Variants in DHX33 observed in about 807,000 individuals in gnomAD.
DHX33 encodes the protein ATP-dependent RNA helicase DHX33.
A neutral mutation model predicts 72.5 loss-of-function variants in DHX33; 42 were observed. That is an observed-to-expected ratio of 0.58 (90% CI 0.45 to 0.75). DHX33 has a LOEUF of 0.75. DHX33 is among the 30% of genes least tolerant of loss of function. The pLI is 0.00. For synonymous variants in DHX33, 358 were observed against 366.1 expected (o/e 0.98, Z 0.25); for missense variants, 842 against 917.5 (o/e 0.92, Z 1.06).
At chr17:5,468,538 T>C in intron 1 of DHX33, 33 bp downstream of exon 1, 1 of 1,595,428 alleles carries the variant, frequency 6.3e-7, no homozygotes, top group Non-Finnish European at 8.5e-7. Context: ...ACGGACGAAG[T>C]GCAAGGAAGA....
At position 5,442,590 on chromosome 17, in the gene DHX33, G is replaced by A. The variant is rs1247465703; in HGVS notation, c.*1615C>T. ...TGGAAATAAAGACTGAGCCGGACTT[G>A]ACATACACAACTCCGGACAGATGGG... On this transcript the variant is annotated 3_prime_UTR_variant, in exon 12 of 12. Transcript: ENST00000225296. The A allele has an allele frequency of 1.3e-5, 2 of 152,268 alleles. No homozygotes were observed. Among genetic ancestry groups the A allele is most frequent in the Admixed American group, 6.5e-5 (1 of 15,286 alleles). The allele number at this position is 152,268 out of a possible 1,614,324, so 9.4% of individuals were successfully genotyped here. A position where few individuals can be genotyped will look rare whatever the true frequency, so the allele number is the denominator to read the frequency against.
chr17:5,444,622 T>A lies in DHX33; in HGVS notation c.1816-109A>T. 8.7e-7 allele frequency: 1 copy of A among 1,144,472 alleles called. No individual in the cohort carries two copies. The allele number at this position is 1,144,472 out of a possible 1,614,324, so 70.9% of individuals were successfully genotyped here. On this transcript the variant is annotated intron_variant, in intron 11 of 11. Coordinates refer to ENST00000225296, the MANE Select transcript of DHX33 (RefSeq NM_020162.4). This position sits in a 1 kb window ranked among gnomAD's most constrained non-coding sequence, Gnocchi z 4.9. ...CCCACTGGGGCAAAAGCAGCCCACATTGTGAGCCTAACGATGTGGATTCTG... is the reference window on the plus strand; with the variant it reads ...CCCACTGGGGCAAAAGCAGCCCACAATGTGAGCCTAACGATGTGGATTCTG...
chr17:5,455,015 G>T, intron 6 of DHX33, 145 bp downstream of exon 6: 2 of 699,728 alleles, frequency 2.9e-6, no homozygotes, highest in Non-Finnish European at 5.0e-6. Context: ...CGCGGACCTG[G>T]AGTGTAGGTG....
At position 5,468,797 on chromosome 17, in the gene DHX33, GCTCGGAGGTCCAGAGC is replaced by G; in HGVS notation, c.47_62del (p.Gly16AlafsTer13). ...TCCCGGGAGGGAAGGACCCAGCGCGGCTCGGAGGTCCAGAGCCTGGCCGGAATCTCTTGGCCGGCGG... is the reference window on the plus strand; with the variant it reads ...TCCCGGGAGGGAAGGACCCAGCGCGGCTGGCCGGAATCTCTTGGCCGGCGG... On this transcript the variant is annotated frameshift_variant, in exon 1 of 12. Coordinates refer to ENST00000225296, the MANE Select transcript of DHX33 (RefSeq NM_020162.4). LOFTEE classifies it high-confidence loss of function. 3 of 1,599,672 alleles carry G rather than the reference GCTCGGAGGTCCAGAGC, an allele frequency of 1.9e-6. No individual in the cohort carries two copies. Among genetic ancestry groups the G allele is most frequent in the African/African-American group, 2.7e-5 (2 of 74,740 alleles).
intron 10 of DHX33, among the ~76,000 whole-genome samples, chr17:5,449,424 AAG>A (rs1916793622): frequency 6.6e-6 from 1 of 152,158 alleles, no homozygotes; most frequent in African/African-American, 2.4e-5. Context: ...CAATTTATGT[AAG>A]ACTTCTTTCT....
chr17:5,468,371 C>T (rs2151694564), intron 1 of DHX33, among the ~76,000 whole-genome samples, 200 bp downstream of exon 1: 1 of 152,350 alleles, frequency 6.6e-6, no homozygotes, highest in East Asian at 1.9e-4. Context: ...ACACGTTGGT[C>T]ACTCTCACCG....
Position 5,453,680 on chromosome 17 carries a change from A to T in DHX33, c.1308-12T>A. 1 of 1,614,126 alleles carries T rather than the reference A, an allele frequency of 6.2e-7. No homozygotes were observed. Among genetic ancestry groups the T allele is most frequent in the South Asian group, 1.1e-5 (1 of 91,082 alleles). On this transcript the variant is annotated splice_polypyrimidine_tract_variant and intron_variant, in intron 7 of 11. Transcript: ENST00000225296. ...TGGCCAGGTTACACCTGTGAAGAGC[A>T]TGAGACCAGGGTCATGACCTGATCC...
rs1916482096 is a variant in DHX33, at chr17:5,442,729, T to G, written c.*1476A>C. ...CTGGTTATAACTATGATTCATTCAT[T>G]AAGAAATGACAAAACACCCCACAGA... On this transcript the variant is annotated 3_prime_UTR_variant, in exon 12 of 12. Coordinates refer to ENST00000225296, the MANE Select transcript of DHX33 (RefSeq NM_020162.4). 6.6e-6 allele frequency: 1 copy of G among 152,172 alleles called. No homozygotes were observed. Among genetic ancestry groups the G allele is most frequent in the African/African-American group, 2.4e-5 (1 of 41,436 alleles). The allele number at this position is 152,172 out of a possible 1,614,324, so 9.4% of individuals were successfully genotyped here.
rs1916653604 is a variant in DHX33, at chr17:5,446,225, T to G, written c.1816-1712A>C. ...CTTGGCCTCAAGCAATCCACCTGCT[T>G]GGGCCTCCCAAAGTGCTGGGACTAG... On this transcript the variant is annotated intron_variant, in intron 11 of 11. Transcript: ENST00000225296. Among the ~76,000 whole-genome samples, 5 of 152,308 alleles carry G rather than the reference T, an allele frequency of 3.3e-5. No individual in the cohort carries two copies. The South Asian group carries it at 1.0e-3, about 32-fold the overall frequency.
chr17:5,464,001 T>C (rs1904759774), intron 1 of DHX33, among the ~76,000 whole-genome samples: 1 of 151,794 alleles, frequency 6.6e-6, no homozygotes, highest in African/African-American at 2.4e-5. Flanking sequence ...TGGGAGATAG[T>C]GTGAGACACT....
chr17:5,443,849 A>G lies in DHX33; in HGVS notation c.*356T>C, dbSNP rs1916527823. The G allele has an allele frequency of 4.6e-6, 1 of 218,858 alleles. No individual in the cohort carries two copies. The highest frequency in any genetic ancestry group is 2.3e-5 in the African/African-American group (1 of 43,402). 13.6% of individuals were successfully genotyped at this position (218,858 alleles called of 1,614,324 possible). A position where few individuals can be genotyped will look rare whatever the true frequency, so the allele number is the denominator to read the frequency against. On this transcript the variant is annotated 3_prime_UTR_variant, in exon 12 of 12. Transcript: ENST00000225296. The stretch of plus-strand genomic sequence containing the variant: ...CGTGTGTCGTGCGTGCTCCAGGCAT[A>G]GTTCTGGGTACTTTCCATTCCTTTT...
In DHX33 at chr17:5,453,317, A is replaced by C. The variant is rs77290337; in HGVS notation, c.1396+263T>G. 4.6e-3 allele frequency among the ~76,000 whole-genome samples: 698 copies of C among 152,242 alleles called. 6 individuals carry two copies. Among genetic ancestry groups the C allele is most frequent in the African/African-American group, 0.016 (645 of 41,546 alleles). On this transcript the variant is annotated intron_variant, in intron 8 of 11. Coordinates refer to ENST00000225296, the MANE Select transcript of DHX33 (RefSeq NM_020162.4). The stretch of plus-strand genomic sequence containing the variant: ...GGCGGGGGGATCGCTGGAGCCCAGG[A>C]GTTGGAGGCTGTGATGGAGCCTGTG...
intron 5 of DHX33, among the ~76,000 whole-genome samples, chr17:5,455,587 C>T (rs1457528436): frequency 1.3e-5 from 2 of 152,194 alleles, no homozygotes; most frequent in Admixed American, 1.3e-4. Context: ...TGTTACTTCC[C>T]TTCTTGGGGC....
chr17:5,464,473 A>G (rs1006346894), intron 1 of DHX33, among the ~76,000 whole-genome samples: 2 of 152,234 alleles, frequency 1.3e-5, no homozygotes, highest in Admixed American at 6.5e-5. Context: ...TGGTGAAATT[A>G]GCTGGTTAAT....
At chr17:5,456,895 C>A (rs1206582225) in intron 4 of DHX33, among the ~76,000 whole-genome samples, 3 of 152,154 alleles carry the variant, frequency 2.0e-5, no homozygotes, top group African/African-American at 7.2e-5. Context: ...TTCACACGCC[C>A]CAAAACACAC....
At chr17:5,452,031 A>G (rs1421983901) in intron 8 of DHX33, among the ~76,000 whole-genome samples, 2 of 151,672 alleles carry the variant, frequency 1.3e-5, no homozygotes. Flanking sequence ...TTACAAACAA[A>G]ATATGGAAGA....
At chr17:5,461,306 CTTTT>C (rs745608193) in intron 3 of DHX33, 197 bp from the exon 4 acceptor site, 6 of 279,434 alleles carry the variant, frequency 2.1e-5, no homozygotes, top group South Asian at 2.0e-4. Flanking sequence ...TCCTTTCCTT[CTTTT>C]TTTTTTTTTG....
At position 5,463,594 on chromosome 17, in the gene DHX33, G is replaced by A. The variant is rs912647943; in HGVS notation, c.385C>T (p.Arg129Ter). The A allele has an allele frequency of 1.4e-5, 22 of 1,613,862 alleles. No homozygotes were observed. The highest frequency in any genetic ancestry group is 1.8e-5 in the Non-Finnish European group (21 of 1,180,004). ...GTAGCAAGAGAGATGGCAGCTACTCGACGAGGCTGGGTCACAGCAATGATG... is the reference window on the plus strand; with the variant it reads ...GTAGCAAGAGAGATGGCAGCTACTCAACGAGGCTGGGTCACAGCAATGATG... ...QGIIAVTQPR[R>*]VAAISLATRV... The change falls in exon 2 of 12, where the codon CGA (arginine) becomes TGA (stop). Residue 129 changes from arginine to a stop codon, truncating the protein, a stop_gained. Coordinates refer to ENST00000225296, the MANE Select transcript of DHX33 (RefSeq NM_020162.4). LOFTEE classifies it high-confidence loss of function.
rs145067795 is a variant in DHX33, at chr17:5,450,364, G to C, written c.1567C>G (p.Leu523Val). The C allele has an allele frequency of 6.8e-6, 11 of 1,614,054 alleles. No individual in the cohort carries two copies. Among genetic ancestry groups the C allele is most frequent in the Admixed American group, 1.7e-5 (1 of 60,006 alleles). ...ACAGACAGCAGGGAGACAATGGTCA[G>C]GATCTCCTCTGTACAGTGGAATTTG... is the stretch of plus-strand genomic sequence containing the variant. ...SPKFHCTEEI[L>V]TIVSLLSVDS... Residue 523 changes from leucine (L) to valine (V), a missense_variant, in exon 10 of 12, where the codon CTG becomes GTG. Coordinates refer to ENST00000225296, the MANE Select transcript of DHX33 (RefSeq NM_020162.4).
Sources: gnomAD v4.1 joint callset for allele counts (sites outside exome capture counted in the v4.1 genomes callset) on GRCh38, gnomAD v4.1.1 for gene constraint, Gnocchi (gnomAD v3.1) non-coding constraint, MANE v1.5 for transcripts, NCBI Gene and HGNC (gene_info 2026-07-23, HGNC 2026-07-21) for gene names.